Variants in LMNTD2 observed in about 807,000 individuals in gnomAD.
LMNTD2 encodes lamin tail domain-containing protein 2.
In LMNTD2, 83 loss-of-function variants were observed where a neutral mutation model predicts 70.1. The ratio of observed to expected loss-of-function variants is 1.18; its 90% CI spans 0.99 to 1.42. The LOEUF (loss-of-function observed/expected upper bound fraction) is 1.42. Ranked by LOEUF, LMNTD2 falls within the 40% of genes most tolerant of loss-of-function variation. The pLI is 0.00. For missense variants in LMNTD2, 1,153 were observed against 905.9 expected, an observed-to-expected ratio of 1.27 and a Z score of -3.50; for synonymous variants, 534 against 406.1, an observed-to-expected ratio of 1.31 and a Z score of -3.79.
In LMNTD2 at chr11:560,666, C is replaced by T. The variant is rs1853217917; in HGVS notation, c.34+17G>A. On this transcript the variant is annotated intron_variant, in intron 1 of 13. Transcript: ENST00000329451. ...GCTGCTGAGGAAGTCGGCCCAGGAG[C>T]GGGGCCAGACACCTACCCCGACGCC... 2.8e-6 allele frequency: 4 copies of T among 1,419,984 alleles called. No homozygotes were observed. The highest frequency in any genetic ancestry group is 3.0e-5 in the Admixed American group (1 of 33,458). The allele number at this position is 1,419,984 out of a possible 1,614,324, so 88.0% of individuals were successfully genotyped here. A position where few individuals can be genotyped will look rare whatever the true frequency, so the allele number is the denominator to read the frequency against.
intron 7 of LMNTD2, 86 bp from the exon 8 acceptor site, chr11:557,183 G>C: frequency 6.8e-7 from 1 of 1,479,740 alleles, no homozygotes. Context: ...GTGCAGCAGG[G>C]AGCCCCTCTT....
rs146263361 is a variant in LMNTD2 at position 558,760 on chromosome 11, A to G, written c.165T>C (p.Ala55=). ...PVVCSADPQL[A]LESLDPRTLR... Reference sequence around the variant, plus strand: ...GTGTGCGAGGGTCCAGGGACTCAAGAGCCAACCTGCAGCGGCAGCAGACCC... The same window carrying G: ...GTGTGCGAGGGTCCAGGGACTCAAGGGCCAACCTGCAGCGGCAGCAGACCC... Residue 55 remains alanine (A), a synonymous_variant, in exon 3 of 14, where the codon GCT becomes GCC. Transcript: ENST00000329451. 2.9e-4 allele frequency: 463 copies of G among 1,605,632 alleles called. No homozygotes were observed. In the African/African-American group the frequency reaches 5.1e-3, roughly 18 times the overall value.
chr11:559,300 TTC>T (rs1474260626), intron 1 of LMNTD2: 4 of 1,248,452 alleles, frequency 3.2e-6, no homozygotes, highest in Non-Finnish European at 3.2e-6. Flanking sequence ...GTGTCCCTCT[TTC>T]TCTCTCTTGT....
intron 1 of LMNTD2, 100 bp from the exon 2 acceptor site, chr11:559,079 G>T (rs773454835): frequency 6.5e-7 from 1 of 1,548,846 alleles, no homozygotes; most frequent in Non-Finnish European, 8.7e-7. Context: ...GGGGTGGGGG[G>T]CCCGTCTGCC....
In LMNTD2 at chr11:556,926, G is replaced by A. The variant is rs201074727; in HGVS notation, c.885C>T (p.Phe295=). 14 of 1,599,212 alleles carry A rather than the reference G, an allele frequency of 8.8e-6. No individual in the cohort carries two copies. Among genetic ancestry groups the A allele is most frequent in the Middle Eastern group, 1.7e-4 (1 of 6,030 alleles). ...SSSCRPGLPS[F]VQVIGHPPRD... Reference sequence around the variant, plus strand: ...GGGGCGGGTGCCCTATCACCTGCACGAAGGAAGGCAGGCCCGGCCGGCAGC... The same window carrying A: ...GGGGCGGGTGCCCTATCACCTGCACAAAGGAAGGCAGGCCCGGCCGGCAGC... Residue 295 remains phenylalanine, a synonymous_variant, in exon 8 of 14, where the codon TTC becomes TTT. Coordinates refer to ENST00000329451, the MANE Select transcript of LMNTD2 (RefSeq NM_173573.3).
chr11:555,156 CGGGAG>C lies in LMNTD2; in HGVS notation c.1774-50_1774-46del, dbSNP rs750422378. ...AGAGGCGCGCGGGGCGGGGCGGGGA[CGGGAG>C]GGGAGGGGAGGGGAGGAGAGGGGAG... On this transcript the variant is annotated intron_variant, in intron 13 of 13. Transcript: ENST00000329451. 21 of 160,004 alleles carry C rather than the reference CGGGAG, an allele frequency of 1.3e-4. No individual in the cohort carries two copies. In the African/African-American group the frequency reaches 1.5e-3, roughly 12 times the overall value. The allele number at this position is 160,004 out of a possible 1,614,324, so 9.9% of individuals were successfully genotyped here. A position where few individuals can be genotyped will look rare whatever the true frequency, so the allele number is the denominator to read the frequency against.
At position 556,297 on chromosome 11, in the gene LMNTD2, C is replaced by T. The variant is rs1445215428; in HGVS notation, c.1152G>A (p.Thr384=). 3 of 1,535,462 alleles carry T rather than the reference C, an allele frequency of 2.0e-6. No homozygotes were observed. The highest frequency in any genetic ancestry group is 1.4e-5 in the African/African-American group (1 of 73,040). The change falls in exon 10 of 14, where the codon ACG becomes ACA. Residue 384 remains threonine, a synonymous_variant. Transcript: ENST00000329451. ...TCAGCACCATGCCGCTCAGGTCGGC[C>T]GTGCTCTCCTGCGACGGGTTGAAGA... ...VRIFNPSQES[T]ADLSGMVLKQ...
rs1018269237 is a variant in LMNTD2, at chr11:556,569, T to C, written c.996A>G (p.Ser332=). The change falls in exon 9 of 14, where the codon TCA becomes TCG. Residue 332 remains serine (S), a synonymous_variant. Transcript: ENST00000329451. ...RDSEDLQKTH[S]PRHGEPVLSP... ...ACAGGACCGGCTCGCCGTGCCTGGGTGAGTGGGTTTTCTGGAGATCTAGAG... is the reference window on the plus strand; with the variant it reads ...ACAGGACCGGCTCGCCGTGCCTGGGCGAGTGGGTTTTCTGGAGATCTAGAG... The C allele has an allele frequency of 2.6e-6, 4 of 1,543,430 alleles. No individual in the cohort carries two copies. The highest frequency in any genetic ancestry group is 3.5e-6 in the Non-Finnish European group (4 of 1,147,110).
At chr11:555,249 G>T in intron 13 of LMNTD2, 56 bp downstream of exon 13, 1 of 1,273,376 alleles carries the variant, frequency 7.9e-7, no homozygotes, top group Admixed American at 4.1e-5. Flanking sequence ...GGCGGGAGAG[G>T]AGAGGAGGAG....
intron 3 of LMNTD2, 114 bp from the exon 4 acceptor site, chr11:558,362 G>A (rs1769396279): frequency 3.9e-6 from 5 of 1,276,470 alleles, no homozygotes; most frequent in Non-Finnish European, 5.4e-6. Context: ...TTGGCCCCAA[G>A]GGCACACAGT....
chr11:557,920 C>T lies in LMNTD2; in HGVS notation c.519G>A (p.Val173=). Residue 173 remains valine, a synonymous_variant, in exon 5 of 14, where the codon GTG becomes GTA. Transcript: ENST00000329451. The part of the protein sequence containing the change: ...CLLQLARSSW[V]GRMLRSQTGS... ...CAGTCTGGGATCGTAGCATGCGGCC[C>T]ACCCACGAGGAGCGGGCCAGCTGCA... 2 of 1,586,200 alleles carry T rather than the reference C, an allele frequency of 1.3e-6. No individual in the cohort carries two copies. The highest frequency in any genetic ancestry group is 2.0e-4 in the Middle Eastern group (1 of 4,974).
chr11:557,727 G>T, intron 5 of LMNTD2, 87 bp from the exon 6 acceptor site: 2 of 1,599,478 alleles, frequency 1.3e-6, no homozygotes, highest in Non-Finnish European at 1.7e-6. Flanking sequence ...GTGCTTTGAG[G>T]CCTCCTGATT....
Position 556,338 on chromosome 11 carries a change from C to G in LMNTD2, c.1111G>C (p.Glu371Gln), listed in dbSNP as rs1244804972. The G allele has an allele frequency of 2.0e-6, 3 of 1,535,722 alleles. No homozygotes were observed. The highest frequency in any genetic ancestry group is 2.4e-5 in the East Asian group (1 of 40,916). The change falls in exon 10 of 14, where the codon GAG becomes CAG. Residue 371 changes from glutamate to glutamine, a missense_variant. Glu to Gln is a conservative substitution (Grantham distance 29). Coordinates refer to ENST00000329451, the MANE Select transcript of LMNTD2 (RefSeq NM_173573.3). ...GLKIVAVSCR[E>Q]KFVRIFNPSQ... The stretch of plus-strand genomic sequence containing the variant: ...GGGTTGAAGATGCGGACGAACTTCT[C>G]CCGGCAGCTCACAGCCACGATCTTC...
rs1387683651 is a variant in LMNTD2, at chr11:554,947, C to G, written c.*33G>C. On this transcript the variant is annotated 3_prime_UTR_variant, in exon 14 of 14. Coordinates refer to ENST00000329451, the MANE Select transcript of LMNTD2 (RefSeq NM_173573.3). ...CCCAGCCCCGGCGCCCGCCCGCGCC[C>G]TCCCTCGCGGTCCCGGCCCCACTCC... The G allele has an allele frequency of 6.8e-7, 1 of 1,467,490 alleles. No homozygotes were observed. Among genetic ancestry groups the G allele is most frequent in the African/African-American group, 1.5e-5 (1 of 67,598 alleles). 90.9% of individuals were successfully genotyped at this position (1,467,490 alleles called of 1,614,324 possible).
chr11:556,849 C>T lies in LMNTD2; in HGVS notation c.962G>A (p.Ser321Asn), dbSNP rs1361679431. The part of the protein sequence containing the change: ...EQALVQAGSY[S>N]RDSEDLQKTH... The stretch of plus-strand genomic sequence containing the variant: ...CCCCACTGCACCTTCTGAGTCCCTG[C>T]TGTAGCTGCCGGCCTGCACCAGCGC... The change falls in exon 8 of 14, where the codon AGC becomes AAC. Residue 321 changes from serine (S) to asparagine (N), a missense_variant. By Grantham distance (46) the Ser-to-Asn change is conservative (BLOSUM62 1). Transcript: ENST00000329451. The T allele has an allele frequency of 6.3e-7, 1 of 1,580,048 alleles. No individual in the cohort carries two copies. Among genetic ancestry groups the T allele is most frequent in the Non-Finnish European group, 8.6e-7 (1 of 1,161,740 alleles).
At position 556,001 on chromosome 11, in the gene LMNTD2, C is replaced by T; in HGVS notation, c.1372G>A (p.Gly458Ser). The T allele has an allele frequency of 1.3e-6, 2 of 1,559,244 alleles. No homozygotes were observed. Among genetic ancestry groups the T allele is most frequent in the Non-Finnish European group, 1.7e-6 (2 of 1,162,656 alleles). Reference sequence around the variant, plus strand: ...CACCGGGGACCCGCACCGACCTCGCCCTTGGGGCTCAGGAGCAGCGTCGCG... The same window carrying T: ...CACCGGGGACCCGCACCGACCTCGCTCTTGGGGCTCAGGAGCAGCGTCGCG... ...GCATLLLSPK[G>S]EVLSEHRIPR... The change falls in exon 11 of 14, where the codon GGC (glycine) becomes AGC (serine). Residue 458 changes from glycine (G) to serine (S), a missense_variant. Gly to Ser is a moderately conservative substitution (Grantham distance 56). Coordinates refer to ENST00000329451, the MANE Select transcript of LMNTD2 (RefSeq NM_173573.3).
intron 1 of LMNTD2, chr11:559,352 G>A (rs917968671): frequency 7.4e-7 from 1 of 1,348,216 alleles, no homozygotes; most frequent in African/African-American, 1.5e-5. Flanking sequence ...CTCACCTGAG[G>A]CCCGACCTCC....
chr11:559,232 G>C, intron 1 of LMNTD2: 1 of 1,490,114 alleles, frequency 6.7e-7, no homozygotes. Context: ...GTCACCACCC[G>C]ACATGTCCCT....
rs578072346 is a variant in LMNTD2 at position 555,115 on chromosome 11, G to A, written c.1774-4C>T. On this transcript the variant is annotated splice_region_variant and splice_polypyrimidine_tract_variant and intron_variant, in intron 13 of 13. Transcript: ENST00000329451. Reference sequence around the variant, plus strand: ...GGTCCACGCTCTTCCGGCACACCTGGGGGGCGCGGGGGCTGAGAGGCGCGC... The same window carrying A: ...GGTCCACGCTCTTCCGGCACACCTGAGGGGCGCGGGGGCTGAGAGGCGCGC... The A allele has an allele frequency of 1.4e-6, 2 of 1,451,704 alleles. No homozygotes were observed. The highest frequency in any genetic ancestry group is 4.9e-5 in the Admixed American group (2 of 40,846). The allele number at this position is 1,451,704 out of a possible 1,614,324, so 89.9% of individuals were successfully genotyped here.
Sources: gnomAD v4.1 joint callset for allele counts on GRCh38, gnomAD v4.1.1 for gene constraint, MANE v1.5 for transcripts, NCBI Gene and HGNC (gene_info 2026-07-23, HGNC 2026-07-21) for gene names.